The following KLF13 variants were observed in gnomAD, a reference collection of about 807,000 sequenced individuals.
KLF13 encodes Krueppel-like factor 13.
KLF13 carries 8 observed loss-of-function variants against 16.7 expected under a neutral mutation model. The observed-to-expected ratio is 0.48, with a 90% CI of 0.28 to 0.87. KLF13 has a LOEUF of 0.87. Among genes scored for constraint, KLF13 ranks in the 40% least tolerant of loss-of-function variants. The pLI is 0.10. For missense variants in KLF13, 447 were observed against 452.2 expected, an observed-to-expected ratio of 0.99 and a Z score of 0.10; for synonymous variants, 245 against 208.4, an observed-to-expected ratio of 1.18 and a Z score of -1.51.
chr15:31,366,792 C>T (rs1183909761), intron 1 of KLF13, among the ~76,000 whole-genome samples: 2 of 95,372 alleles, frequency 2.1e-5, no homozygotes, highest in Non-Finnish European at 4.5e-5. Context: ...TGGAGTCTGT[C>T]CCCATAACAG....
At chr15:31,328,062 C>G (rs2038752086) in intron 1 of KLF13, among the ~76,000 whole-genome samples, 1 of 144,048 alleles carries the variant, frequency 6.9e-6, no homozygotes, top group Non-Finnish European at 1.5e-5. Flanking sequence ...GCCGCGGGGG[C>G]GGATATAGTC....
At position 31,377,657 on chromosome 15, in the gene KLF13, G is replaced by A. The variant is rs1399043173; in HGVS notation, c.*5358G>A. ...TTTAACCAGCACCCACCATAATTCC[G>A]AAGGCCACGTTTCATCTTTCCTGGA... On this transcript the variant is annotated 3_prime_UTR_variant, in exon 2 of 2. Transcript: ENST00000307145. The A allele has an allele frequency of 6.6e-6, 1 of 152,454 alleles. No individual in the cohort carries two copies. The highest frequency in any genetic ancestry group is 1.5e-5 in the Non-Finnish European group (1 of 68,032). 9.4% of individuals were successfully genotyped at this position (152,454 alleles called of 1,614,324 possible).
chr15:31,360,996 A>G (rs1411426411), intron 1 of KLF13, among the ~76,000 whole-genome samples: 1 of 152,148 alleles, frequency 6.6e-6, no homozygotes, highest in Non-Finnish European at 1.5e-5. Context: ...GCTGCCTGGT[A>G]GCGCTGGGCC....
At chr15:31,405,126 A>G (rs2040104646), downstream of KLF13, among the ~76,000 whole-genome samples, 1 of 152,168 alleles carries the variant, frequency 6.6e-6, no homozygotes, top group African/African-American at 2.4e-5. Flanking sequence ...AGGTCATGCG[A>G]GCAGAGCTCT....
chr15:31,328,084 G>T (rs559912592), intron 1 of KLF13, among the ~76,000 whole-genome samples: 8 of 143,826 alleles, frequency 5.6e-5, no homozygotes, highest in African/African-American at 2.0e-4. Context: ...TCTGGGCTGG[G>T]GGCGGGGACC....
chr15:31,330,288 A>G (rs2038804462), intron 1 of KLF13, among the ~76,000 whole-genome samples: 1 of 152,130 alleles, frequency 6.6e-6, no homozygotes, highest in Non-Finnish European at 1.5e-5. Flanking sequence ...CTCTGCAGTC[A>G]GTGACTGAGG....
intron 1 of KLF13, among the ~76,000 whole-genome samples, chr15:31,336,084 G>C (rs545502537): frequency 8.5e-5 from 13 of 152,216 alleles, no homozygotes; most frequent in Non-Finnish European, 1.8e-4. Context: ...CTTCTCCCCC[G>C]ACCCCAGCGT....
At chr15:31,396,785 G>A (rs1452313364) in intron 2 of KLF13, among the ~76,000 whole-genome samples, 2 of 152,110 alleles carry the variant, frequency 1.3e-5, no homozygotes, top group Admixed American at 1.3e-4. Flanking sequence ...CTAATTTTTT[G>A]GCTAATTTAT....
intron 1 of KLF13, among the ~76,000 whole-genome samples, chr15:31,331,028 G>A (rs1232544847): frequency 6.6e-6 from 1 of 152,254 alleles, no homozygotes; most frequent in East Asian, 1.9e-4. Flanking sequence ...CCTGCGTGTT[G>A]TCCTGAATGG....
chr15:31,357,105 T>G (rs2039312224), intron 1 of KLF13, among the ~76,000 whole-genome samples: 1 of 152,212 alleles, frequency 6.6e-6, no homozygotes, highest in Non-Finnish European at 1.5e-5. Flanking sequence ...ACCCTGCTAT[T>G]GGGATTTTTA....
chr15:31,417,215 C>T lies in KLF13; in HGVS notation n.118-18155C>T, dbSNP rs138702057. 1.3e-4 allele frequency among the ~76,000 whole-genome samples: 20 copies of T among 152,104 alleles called. No homozygotes were observed. The East Asian group carries it at 2.5e-3, about 19-fold the overall frequency. On this transcript the variant is annotated intron_variant and non_coding_transcript_variant, in intron 1 of 1. Coordinates refer to the KLF13 transcript ENST00000558225. The stretch of plus-strand genomic sequence containing the variant: ...TCTTTTTAAAATAAATTATCTAGGC[C>T]GGGCACAGTGGCTCATGGCTGTAAT...
chr15:31,390,104 TGTG>T (rs1386745495), upstream of KLF13, among the ~76,000 whole-genome samples: 1 of 152,216 alleles, frequency 6.6e-6, no homozygotes, highest in Non-Finnish European at 1.5e-5. Context: ...GTGCCTTTGA[TGTG>T]GCCTCAGTTT....
At position 31,327,638 on chromosome 15, in the gene KLF13, C is replaced by G; in HGVS notation, c.426C>G (p.Ser142Arg). The G allele has an allele frequency of 7.2e-7, 1 of 1,387,840 alleles. No individual in the cohort carries two copies. The highest frequency in any genetic ancestry group is 1.5e-5 in the South Asian group (1 of 68,922). 86.0% of individuals were successfully genotyped at this position (1,387,840 alleles called of 1,614,324 possible). ...EPEREPGPAG[S>R]GEPGLRQRVR... is the part of the protein sequence containing the mutation. ...AGCGGGAGCCGGGGCCCGCGGGGAG[C>G]GGCGAGCCCGGCCTCAGACAAAGGG... Residue 142 changes from serine (S) to arginine (R), a missense_variant, in exon 1 of 2, where the codon AGC becomes AGG. Coordinates refer to ENST00000307145, the MANE Select transcript of KLF13 (RefSeq NM_015995.4).
intron 1 of KLF13, among the ~76,000 whole-genome samples, chr15:31,427,371 T>G (rs574731937): frequency 3.3e-5 from 5 of 150,606 alleles, no homozygotes; most frequent in Non-Finnish European, 7.4e-5. Context: ...AAATAACAAG[T>G]GTTGGCAAGA....
chr15:31,400,710 G>A (rs1370704720), intron 2 of KLF13, among the ~76,000 whole-genome samples: 5 of 152,080 alleles, frequency 3.3e-5, no homozygotes, highest in African/African-American at 1.2e-4. Flanking sequence ...GGAAGGTGGA[G>A]GAGGGTGGAG....
At chr15:31,329,416 A>C (rs773561457) in intron 1 of KLF13, among the ~76,000 whole-genome samples, 1 of 151,498 alleles carries the variant, frequency 6.6e-6, no homozygotes, top group Non-Finnish European at 1.5e-5. Context: ...ATGTTTGGGA[A>C]ATTTTTCTAC....
At chr15:31,429,867 G>T (rs1237338541) in intron 1 of KLF13, among the ~76,000 whole-genome samples, 1 of 151,852 alleles carries the variant, frequency 6.6e-6, no homozygotes, top group Admixed American at 6.6e-5. Flanking sequence ...CCGAGTAGCT[G>T]GGACTGCAGG....
intron 1 of KLF13, among the ~76,000 whole-genome samples, chr15:31,368,796 G>T (rs915651930): frequency 2.0e-5 from 3 of 152,048 alleles, no homozygotes; most frequent in Non-Finnish European, 2.9e-5. Flanking sequence ...AGGCTGCAGT[G>T]ACAGAGCAAG....
intron 1 of KLF13, among the ~76,000 whole-genome samples, chr15:31,354,239 G>A (rs1442333826): frequency 1.3e-5 from 2 of 152,228 alleles, no homozygotes; most frequent in Non-Finnish European, 2.9e-5. Flanking sequence ...AGAAGCAGCT[G>A]ACCAAACCCC....
Sources: allele counts gnomAD v4.1 joint callset (sites outside exome capture counted in the v4.1 genomes callset), GRCh38; gene constraint gnomAD v4.1.1; transcripts MANE v1.5; gene names NCBI Gene and HGNC (gene_info 2026-07-23, HGNC 2026-07-21).